Variants in PHACTR2 observed in about 807,000 individuals in gnomAD.
PHACTR2 encodes the protein phosphatase and actin regulator 2.
A neutral mutation model predicts 76.0 loss-of-function variants in PHACTR2; 30 were observed. The ratio of observed to expected loss-of-function variants is 0.39; its 90% confidence interval spans 0.30 to 0.54. The LOEUF is 0.54. PHACTR2 is among the 20% of genes least tolerant of loss of function. The pLI is 0.61. For missense variants in PHACTR2, 696 were observed against 781.1 expected (o/e 0.89, Z 1.30); for synonymous variants, 292 against 292.5 (o/e 1.00, Z 0.02).
chr6:143,658,474 G>C lies in PHACTR2; in HGVS notation c.13+50152G>C, dbSNP rs747743311. On this transcript the variant is annotated intron_variant, in intron 1 of 11. Coordinates refer to the PHACTR2 transcript ENST00000305766. This position sits in a 1 kb window ranked among gnomAD's most constrained non-coding sequence, Gnocchi z 4.1. ...GCTTAAAGACAGGGATACAATCTGA[G>C]GTGTGTTGTTAAGTGATTTTGTCAT... Among the ~76,000 whole-genome samples, 1 of 152,068 alleles carries C rather than the reference G, an allele frequency of 6.6e-6. No individual in the cohort carries two copies. The highest frequency in any genetic ancestry group is 1.5e-5 in the Non-Finnish European group (1 of 68,006).
At chr6:143,574,130 T>C (rs542609313) in intron 1 of PHACTR2, among the ~76,000 whole-genome samples, 47 of 152,354 alleles carry the variant, frequency 3.1e-4, no homozygotes, top group African/African-American at 1.1e-3. Flanking sequence ...AGGATTCAGT[T>C]CGTGCAGCTG....
In PHACTR2 at chr6:143,601,127, G is replaced by C. The variant is rs73003380; in HGVS notation, c.217+63920G>C. Among the ~76,000 whole-genome samples the C allele has an allele frequency of 5.9e-3, 895 of 152,314 alleles. 6 individuals carry two copies. The highest frequency in any genetic ancestry group is 0.01 in the Non-Finnish European group (696 of 68,016). On this transcript the variant is annotated intron_variant, in intron 1 of 11. Transcript: ENST00000367584. ...TTAATGAAATAAATGCATAAAGAAAGTATTAGGCACCGTGCCTGGTAAATA... is the reference window on the plus strand; with the variant it reads ...TTAATGAAATAAATGCATAAAGAAACTATTAGGCACCGTGCCTGGTAAATA...
In PHACTR2 at chr6:143,590,987, G is replaced by A. The variant is rs185228348; in HGVS notation, c.217+53780G>A. Among the ~76,000 whole-genome samples the A allele has an allele frequency of 4.2e-3, 636 of 152,232 alleles. 8 individuals carry two copies. The highest frequency in any genetic ancestry group is 0.014 in the African/African-American group (599 of 41,538). ...ATACCCACTACCATGAAAACTCGACGTGTATATCCTACCAACAGTCGGCCA... is the reference window on the plus strand; with the variant it reads ...ATACCCACTACCATGAAAACTCGACATGTATATCCTACCAACAGTCGGCCA... On this transcript the variant is annotated intron_variant, in intron 1 of 11. Coordinates refer to the PHACTR2 transcript ENST00000367584.
At chr6:143,552,761 G>A (rs909795280) in intron 1 of PHACTR2, among the ~76,000 whole-genome samples, 11 of 151,898 alleles carry the variant, frequency 7.2e-5, no homozygotes, top group Admixed American at 7.2e-4. Flanking sequence ...AAAATGAGCC[G>A]GGCATGGTGG....
intron 1 of PHACTR2, among the ~76,000 whole-genome samples, chr6:143,694,442 A>G (rs911692095): frequency 1.3e-5 from 2 of 152,158 alleles, no homozygotes; most frequent in Non-Finnish European, 1.5e-5. Flanking sequence ...TCAGTAACTA[A>G]TGTGGCCACC....
intron 10 of PHACTR2, 27 bp from the exon 11 acceptor site, chr6:143,788,746 T>G (rs1437711005): frequency 6.3e-7 from 1 of 1,595,362 alleles, no homozygotes. Context: ...TTTACTGAAC[T>G]CTGCCTTTTT....
At position 143,652,051 on chromosome 6, in the gene PHACTR2, G is replaced by C. The variant is rs999431532; in HGVS notation, c.13+43729G>C. On this transcript the variant is annotated intron_variant, in intron 1 of 11. Coordinates refer to the PHACTR2 transcript ENST00000305766. The surrounding 1 kb of genome is among the most constrained non-coding windows in gnomAD (Gnocchi z 4.5). ...CTAGCCTCCAGCCTGAGAAATTAAA[G>C]TTCTGTTGTTTAAGCAAAAAAAAAA... Among the ~76,000 whole-genome samples the C allele has an allele frequency of 7.4e-6, 1 of 135,058 alleles. No homozygotes were observed. The highest frequency in any genetic ancestry group is 1.6e-5 in the Non-Finnish European group (1 of 64,080). 88.6% of individuals were successfully genotyped at this position (135,058 alleles called of 152,430 possible). A position where few individuals can be genotyped will look rare whatever the true frequency, so the allele number is the denominator to read the frequency against.
intron 1 of PHACTR2, among the ~76,000 whole-genome samples, chr6:143,622,400 G>A (rs184466285): frequency 2.7e-4 from 41 of 152,210 alleles, no homozygotes; most frequent in Non-Finnish European, 4.7e-4. Context: ...TGTTCTCCTC[G>A]CGTACATCTG....
In PHACTR2 at chr6:143,571,305, A is replaced by G. The variant is rs927119357; in HGVS notation, c.217+34098A>G. Among the ~76,000 whole-genome samples, 26 of 152,252 alleles carry G rather than the reference A, an allele frequency of 1.7e-4. No homozygotes were observed. Among genetic ancestry groups the G allele is most frequent in the Non-Finnish European group, 2.9e-5 (2 of 68,040 alleles). On this transcript the variant is annotated intron_variant, in intron 1 of 11. Transcript: ENST00000367584. This position sits in a 1 kb window ranked among gnomAD's most constrained non-coding sequence, Gnocchi z 4.6. ...TGCATTTATCAATTGGAATTCTACT[A>G]CAATGAAGAGCTACCTCTTCTGAGC...
intron 1 of PHACTR2, among the ~76,000 whole-genome samples, chr6:143,609,846 A>C (rs140785846): frequency 5.3e-4 from 80 of 152,340 alleles, no homozygotes; most frequent in African/African-American, 1.8e-3. Context: ...AGGCTTAAAA[A>C]TGCTAAGGGT....
In PHACTR2 at chr6:143,771,132, ATATATATATATG is replaced by A. The variant is rs1476311997; in HGVS notation, c.1233-1114_1233-1103del. Among the ~76,000 whole-genome samples the A allele has an allele frequency of 6.2e-3, 237 of 38,074 alleles. 2 individuals are homozygous for A. Among genetic ancestry groups the A allele is most frequent in the Middle Eastern group, 0.024 (2 of 82 alleles). 25.0% of individuals were successfully genotyped at this position (38,074 alleles called of 152,430 possible). A position where few individuals can be genotyped will look rare whatever the true frequency, so the allele number is the denominator to read the frequency against. ...GGATTAATTCATATATGTACTTTAC[ATATATATATATG>A]TATATATATATATGTATATATATAT... On this transcript the variant is annotated intron_variant, in intron 6 of 12. Transcript: ENST00000440869.
In PHACTR2 at chr6:143,584,759, T is replaced by C. The variant is rs150228784; in HGVS notation, c.217+47552T>C. ...TCTGGGTAATCATTTTAGCCACTGCTGTCATGAGGAGGGACAAGTATAGGG... is the reference window on the plus strand; with the variant it reads ...TCTGGGTAATCATTTTAGCCACTGCCGTCATGAGGAGGGACAAGTATAGGG... On this transcript the variant is annotated intron_variant, in intron 1 of 11. Coordinates refer to the PHACTR2 transcript ENST00000367584. Among the ~76,000 whole-genome samples the C allele has an allele frequency of 7.2e-4, 110 of 152,296 alleles. 2 individuals carry two copies. The East Asian group carries it at 0.019, about 26-fold the overall frequency.
intron 1 of PHACTR2, among the ~76,000 whole-genome samples, chr6:143,563,551 CAAAAAAAAAAA>C (rs76587878): frequency 4.3e-4 from 13 of 29,950 alleles, no homozygotes; most frequent in Non-Finnish European, 1.1e-3. Context: ...AACTCCGTCT[CAAAAAAAAAAA>C]AAAAAAAAAG....
At chr6:143,564,171 ATG>A (rs1402664664) in intron 1 of PHACTR2, among the ~76,000 whole-genome samples, 1 of 39,156 alleles carries the variant, frequency 2.6e-5, no homozygotes, top group African/African-American at 8.3e-5. Flanking sequence ...GTGTGCATAT[ATG>A]TGTGTGTGTA....
rs1231480269 is a variant in PHACTR2, at chr6:143,662,077, C to T, written c.14-49939C>T. 6.6e-6 allele frequency among the ~76,000 whole-genome samples: 1 copy of T among 152,174 alleles called. No homozygotes were observed. The highest frequency in any genetic ancestry group is 1.5e-5 in the Non-Finnish European group (1 of 68,042). On this transcript the variant is annotated intron_variant, in intron 1 of 11. Coordinates refer to the PHACTR2 transcript ENST00000305766. The surrounding 1 kb of genome is among the most constrained non-coding windows in gnomAD (Gnocchi z 4.7). Reference sequence around the variant, plus strand: ...GTTTTGATGAAAGATTAAGTCAGAGCACCTGCAAGCTTCATTGCTCCTCCC... The same window carrying T: ...GTTTTGATGAAAGATTAAGTCAGAGTACCTGCAAGCTTCATTGCTCCTCCC...
At position 143,554,318 on chromosome 6, in the gene PHACTR2, A is replaced by G. The variant is rs1775136997; in HGVS notation, c.217+17111A>G. 1.3e-5 allele frequency: 2 copies of G among 152,164 alleles called. No homozygotes were observed. The highest frequency in any genetic ancestry group is 4.8e-5 in the African/African-American group (2 of 41,436). The allele number at this position is 152,164 out of a possible 1,614,324, so 9.4% of individuals were successfully genotyped here. A position where few individuals can be genotyped will look rare whatever the true frequency, so the allele number is the denominator to read the frequency against. On this transcript the variant is annotated intron_variant, in intron 1 of 11. Coordinates refer to the PHACTR2 transcript ENST00000367584. The surrounding 1 kb of genome is among the most constrained non-coding windows in gnomAD (Gnocchi z 5.9). ...CAATTTGCTGTTAAAAAATTATTCG[A>G]TGACACTTGTTCAAGCACGGTAAGG...
At position 143,595,902 on chromosome 6, in the gene PHACTR2, T is replaced by A. The variant is rs1431953541; in HGVS notation, c.217+58695T>A. ...TCCTTCTCCCTTCCTGTCTACTGAG[T>A]TGGGTGGGTTATAGGTAGCGTCACT... On this transcript the variant is annotated intron_variant, in intron 1 of 11. Transcript: ENST00000367584. The surrounding 1 kb of genome is among the most constrained non-coding windows in gnomAD (Gnocchi z 4.2). Among the ~76,000 whole-genome samples the A allele has an allele frequency of 6.6e-6, 1 of 152,174 alleles. No homozygotes were observed. Among genetic ancestry groups the A allele is most frequent in the Non-Finnish European group, 1.5e-5 (1 of 68,016 alleles).
intron 2 of PHACTR2, among the ~76,000 whole-genome samples, chr6:143,724,322 C>T (rs985281081): frequency 1.3e-5 from 2 of 151,954 alleles, no homozygotes; most frequent in African/African-American, 2.4e-5. Flanking sequence ...TTAGTAGAGA[C>T]GGGGTTTCAC....
rs1777741016 is a variant in PHACTR2, at chr6:143,695,079, T to C, written c.46+16870T>C. 6.6e-6 allele frequency among the ~76,000 whole-genome samples: 1 copy of C among 152,182 alleles called. No homozygotes were observed. The highest frequency in any genetic ancestry group is 2.1e-4 in the South Asian group (1 of 4,836). On this transcript the variant is annotated intron_variant, in intron 1 of 12. Coordinates refer to ENST00000440869, the MANE Select transcript of PHACTR2 (RefSeq NM_001100164.2). This position sits in a 1 kb window ranked among gnomAD's most constrained non-coding sequence, Gnocchi z 4.4. ...ACCCTAGGTCCTTTTGTAAAATGATTAAAACTCTCCTTAAACCTCAGAAAT... is the reference window on the plus strand; with the variant it reads ...ACCCTAGGTCCTTTTGTAAAATGATCAAAACTCTCCTTAAACCTCAGAAAT...
Sources: allele counts gnomAD v4.1 joint callset (sites outside exome capture counted in the v4.1 genomes callset), GRCh38; gene constraint gnomAD v4.1.1; non-coding constraint Gnocchi (gnomAD v3.1); transcripts MANE v1.5; gene names NCBI Gene and HGNC (gene_info 2026-07-23, HGNC 2026-07-21).